STRADA: variants seen among roughly 807,000 people sequenced by gnomAD.
STRADA encodes STE20 related adaptor alpha, also known as STE20-related kinase adapter protein alpha.
A neutral mutation model predicts 55.0 loss-of-function variants in STRADA; 26 were observed. That is an observed-to-expected ratio of 0.47 (90% confidence interval 0.35 to 0.66). The LOEUF (loss-of-function observed/expected upper bound fraction) is 0.66, where lower values mean the gene tolerates loss of function less well. STRADA is among the 30% of genes least tolerant of loss of function. The probability of loss-of-function intolerance (pLI) is 0.01; values close to 1 mark genes in which losing one functional copy is unlikely to be tolerated. For synonymous variants in STRADA, 197 were observed against 210.9 expected (o/e 0.93, Z 0.57); for missense variants, 443 against 549.7 (o/e 0.81, Z 1.94).
Position 63,703,516 on chromosome 17 carries a change from G to A in STRADA, c.*83C>T, listed in dbSNP as rs1168372085. ...CTTTCTACCCAATCTGCCCAGGAGG[G>A]CGGGAATGTGGCCGGCCCTCAGGAA... is the stretch of plus-strand genomic sequence containing the variant. On this transcript the variant is annotated 3_prime_UTR_variant, in exon 13 of 13. Coordinates refer to ENST00000336174, the MANE Select transcript of STRADA (RefSeq NM_001003787.4). The A allele has an allele frequency of 5.3e-6, 7 of 1,332,510 alleles. 1 individual carries two copies. Among genetic ancestry groups the A allele is most frequent in the South Asian group, 2.8e-5 (2 of 71,960 alleles). The allele number at this position is 1,332,510 out of a possible 1,614,324, so 82.5% of individuals were successfully genotyped here.
intron 1 of STRADA, among the ~76,000 whole-genome samples, chr17:63,735,141 A>G (rs1403030333): frequency 6.6e-6 from 1 of 152,218 alleles, no homozygotes; most frequent in Non-Finnish European, 1.5e-5. Context: ...TGGGTGACAG[A>G]GCGAGACTCT....
rs937414005 is a variant in STRADA, at chr17:63,702,919, A to G, written c.*680T>C. 1.3e-5 allele frequency: 2 copies of G among 152,776 alleles called. No homozygotes were observed. The highest frequency in any genetic ancestry group is 4.8e-5 in the African/African-American group (2 of 41,462). 9.5% of individuals were successfully genotyped at this position (152,776 alleles called of 1,614,324 possible). ...GACTTAAGCCCTCAAGCTAGGCAAGACACTGATGGCCCTTGGAGAAAGCAC... is the reference window on the plus strand; with the variant it reads ...GACTTAAGCCCTCAAGCTAGGCAAGGCACTGATGGCCCTTGGAGAAAGCAC... On this transcript the variant is annotated 3_prime_UTR_variant, in exon 13 of 13. Coordinates refer to ENST00000336174, the MANE Select transcript of STRADA (RefSeq NM_001003787.4).
intron 10 of STRADA, 181 bp downstream of exon 10, chr17:63,706,454 T>G: frequency 1.7e-6 from 1 of 576,776 alleles, no homozygotes; most frequent in Non-Finnish European, 3.1e-6. Flanking sequence ...ACCACCAGGT[T>G]TGCCACAGGA....
intron 6 of STRADA, 106 bp from the exon 7 acceptor site, chr17:63,710,942 T>C: frequency 9.7e-7 from 1 of 1,026,222 alleles, no homozygotes; most frequent in South Asian, 1.5e-5. Context: ...ACTTTCTGGG[T>C]GTTCTCAGAG....
rs552731871 is a variant in STRADA, at chr17:63,716,159, G to A, written c.124-2051C>T. ...TCACCAGGCTGGAGTGCAGTGGCAC[G>A]ATCTTGGCTCAATGCAAGCTCCGCC... On this transcript the variant is annotated intron_variant, in intron 4 of 12. Coordinates refer to ENST00000336174, the MANE Select transcript of STRADA (RefSeq NM_001003787.4). Among the ~76,000 whole-genome samples the A allele has an allele frequency of 1.0e-3, 153 of 148,588 alleles. 2 individuals are homozygous for A. The highest frequency in any genetic ancestry group is 3.8e-4 in the Non-Finnish European group (26 of 67,598).
At chr17:63,721,367 G>A (rs1238481423) in intron 4 of STRADA, among the ~76,000 whole-genome samples, 1 of 146,316 alleles carries the variant, frequency 6.8e-6, no homozygotes, top group Non-Finnish European at 1.5e-5. Context: ...GTGAGACACC[G>A]TCTCAAGAAA....
intron 6 of STRADA, among the ~76,000 whole-genome samples, chr17:63,711,339 G>C (rs771173719): frequency 8.2e-4 from 124 of 151,654 alleles, no homozygotes; most frequent in Non-Finnish European, 1.3e-3. Flanking sequence ...CACTGCACCT[G>C]GCCAAAAATG....
chr17:63,706,592 A>G, intron 10 of STRADA, 43 bp downstream of exon 10: 2 of 1,441,538 alleles, frequency 1.4e-6, no homozygotes, highest in Middle Eastern at 2.1e-4. Flanking sequence ...ACATCTGTGG[A>G]AGGCAAGCAG....
At chr17:63,705,162 A>G (rs2036000329) in intron 10 of STRADA, 15 of 577,182 alleles carry the variant, frequency 2.6e-5, no homozygotes, top group Non-Finnish European at 4.7e-5. Flanking sequence ...ATGACCGCAT[A>G]AGCTGTCCAA....
intron 4 of STRADA, among the ~76,000 whole-genome samples, chr17:63,721,414 CAAAA>C (rs34413372): frequency 2.2e-5 from 3 of 133,620 alleles, no homozygotes; most frequent in East Asian, 2.2e-4. Flanking sequence ...AGCTCCATCT[CAAAA>C]AAAAAAAAAA....
At chr17:63,711,185 G>C (rs1346314764) in intron 6 of STRADA, among the ~76,000 whole-genome samples, 1 of 152,064 alleles carries the variant, frequency 6.6e-6, no homozygotes, top group Non-Finnish European at 1.5e-5. Flanking sequence ...TTTAAGATAA[G>C]AAAACAAAAA....
intron 3 of STRADA, chr17:63,723,727 G>GT (rs1455132001): frequency 6.2e-6 from 1 of 161,514 alleles, no homozygotes; most frequent in Non-Finnish European, 1.3e-5. Flanking sequence ...CCATTTCCCA[G>GT]TGAGTGTGGG....
At chr17:63,709,716 A>C (rs2081014272) in intron 8 of STRADA, among the ~76,000 whole-genome samples, 2 of 152,160 alleles carry the variant, frequency 1.3e-5, no homozygotes, top group South Asian at 2.1e-4. Context: ...AGAAGCCTTT[A>C]ATCCAGCTGC....
At chr17:63,707,521 G>T in intron 8 of STRADA, 103 bp from the exon 9 acceptor site, 1 of 1,079,576 alleles carries the variant, frequency 9.3e-7, no homozygotes, top group Admixed American at 2.0e-5. Flanking sequence ...CTGTGTGCGT[G>T]TGTTATACAC....
At chr17:63,741,930 G>A (rs1017370630), upstream of STRADA, 1 of 152,278 alleles carries the variant, frequency 6.6e-6, no homozygotes, top group Non-Finnish European at 1.5e-5. Context: ...CTTTCCGAGT[G>A]GCCGCGGCTG....
chr17:63,705,000 T>A, intron 10 of STRADA: 1 of 1,222,700 alleles, frequency 8.2e-7, no homozygotes, highest in African/African-American at 1.5e-5. Context: ...AGGCAGTCCC[T>A]GCAGTGCCAC....
In STRADA at chr17:63,704,522, C is replaced by T. The variant is rs772354394; in HGVS notation, c.919G>A (p.Ala307Thr). Residue 307 changes from alanine (A) to threonine (T), a missense_variant, in exon 11 of 13, where the codon GCT becomes ACT. Ala to Thr is a moderately conservative substitution (Grantham distance 58). Transcript: ENST00000336174. ...PCLLDTSTIP[A>T]EELTMSPSRS... ...GAAGGGCTCATGGTCAGCTCCTCAG[C>T]GGGGATGGTGCTGGTATCCAACAGG... is the stretch of plus-strand genomic sequence containing the variant. The T allele has an allele frequency of 8.9e-6, 14 of 1,581,016 alleles. No individual in the cohort carries two copies. Among genetic ancestry groups the T allele is most frequent in the Admixed American group, 1.8e-5 (1 of 56,920 alleles).
intron 4 of STRADA, among the ~76,000 whole-genome samples, chr17:63,718,357 G>A (rs1198628212): frequency 6.6e-6 from 1 of 152,178 alleles, no homozygotes; most frequent in Non-Finnish European, 1.5e-5. Context: ...AGCAATTTGA[G>A]CAAAAAGCCT....
chr17:63,727,582 T>C (rs1048475273), intron 2 of STRADA: 16 of 152,250 alleles, frequency 1.1e-4, no homozygotes, highest in African/African-American at 3.6e-4. Flanking sequence ...ATTGGAACTA[T>C]AGCATCTTCT....
Sources: allele counts gnomAD v4.1 joint callset (sites outside exome capture counted in the v4.1 genomes callset), GRCh38; gene constraint gnomAD v4.1.1; transcripts MANE v1.5; gene names NCBI Gene and HGNC (gene_info 2026-07-23, HGNC 2026-07-21).